CYP4F2: variants seen among roughly 807,000 people sequenced by gnomAD.
The protein encoded by CYP4F2 is cytochrome P450 family 4 subfamily F member 2.
A neutral mutation model predicts 58.9 loss-of-function variants in CYP4F2; 58 were observed. That is an observed-to-expected ratio of 0.98 (90% CI 0.80 to 1.23). The LOEUF (loss-of-function observed/expected upper bound fraction) is 1.23, where lower values mean the gene tolerates loss of function less well. CYP4F2 is among the 50% of genes most tolerant of loss of function. The pLI is 0.00. For synonymous variants in CYP4F2, 287 were observed against 261.1 expected, an observed-to-expected ratio of 1.10 and a Z score of -0.95; for missense variants, 616 against 685.6, an observed-to-expected ratio of 0.90 and a Z score of 1.13.
intron 3 of CYP4F2, 122 bp downstream of exon 3, chr19:15,895,384 T>A: frequency 1.6e-6 from 2 of 1,255,470 alleles, no homozygotes; most frequent in African/African-American, 1.6e-5. Flanking sequence ...GAAAGAAAGA[T>A]GAAGATAGCT....
intron 9 of CYP4F2, 146 bp from the exon 10 acceptor site, chr19:15,880,043 A>G (rs1394050512): frequency 5.8e-6 from 9 of 1,539,634 alleles, no homozygotes; most frequent in African/African-American, 1.4e-5. Flanking sequence ...GAATAAAAAT[A>G]GTGTGGCACT....
chr19:15,888,540 A>C (rs1226210465), intron 7 of CYP4F2, among the ~76,000 whole-genome samples: 1 of 152,216 alleles, frequency 6.6e-6, no homozygotes, highest in East Asian at 1.9e-4. Context: ...GCACATAGAC[A>C]AAGTCACAGA....
At position 15,881,557 on chromosome 19, in the gene CYP4F2, TA is replaced by T. The variant is rs1432299357; in HGVS notation, c.1116-1661del. ...GTAGATAGGTATATAGATACATAGA[TA>T]GATGATGGATAGATAGATAGATAGA... is the stretch of plus-strand genomic sequence containing the variant. On this transcript the variant is annotated intron_variant, in intron 9 of 12. Coordinates refer to ENST00000221700, the MANE Select transcript of CYP4F2 (RefSeq NM_001082.5). Among the ~76,000 whole-genome samples the T allele has an allele frequency of 2.1e-3, 312 of 145,338 alleles. 1 individual carries two copies. The highest frequency in any genetic ancestry group is 7.2e-3 in the African/African-American group (280 of 38,672).
In CYP4F2 at chr19:15,889,684, A is replaced by G. The variant is rs1240953394; in HGVS notation, c.657T>C (p.Ser219=). ...SFDSHCQEKP[S]EYIAAILELS... ...GCTCCAAGATGGCGGCAATATATTCACTGGGTTTCCTGCAGGATAAGGGCA... is the reference window on the plus strand; with the variant it reads ...GCTCCAAGATGGCGGCAATATATTCGCTGGGTTTCCTGCAGGATAAGGGCA... The change falls in exon 7 of 13, where the codon AGT becomes AGC. Residue 219 remains serine (S), a synonymous_variant. Transcript: ENST00000221700. 9.9e-6 allele frequency: 16 copies of G among 1,613,512 alleles called. No individual in the cohort carries two copies. Among genetic ancestry groups the G allele is most frequent in the African/African-American group, 1.3e-5 (1 of 74,888 alleles).
intron 7 of CYP4F2, among the ~76,000 whole-genome samples, chr19:15,888,869 A>G (rs770884526): frequency 2.0e-5 from 3 of 152,378 alleles, no homozygotes; most frequent in East Asian, 1.9e-4. Context: ...ACACAAACAC[A>G]GAAAAAAGAC....
intron 12 of CYP4F2, 34 bp downstream of exon 12, chr19:15,879,312 A>C (rs1180339477): frequency 1.9e-6 from 3 of 1,611,106 alleles, no homozygotes; most frequent in African/African-American, 1.3e-5. Flanking sequence ...GCACCCATCA[A>C]CCCGTTCCCA....
intron 3 of CYP4F2, 42 bp downstream of exon 3, chr19:15,895,464 A>G (rs2089441885): frequency 6.8e-7 from 1 of 1,463,338 alleles, no homozygotes; most frequent in Non-Finnish European, 9.0e-7. Flanking sequence ...GCGGAAGTGC[A>G]GGCCTCAAAT....
At chr19:15,886,356 T>C (rs1167065586) in intron 7 of CYP4F2, 48 bp from the exon 8 acceptor site, 3 of 1,355,720 alleles carry the variant, frequency 2.2e-6, no homozygotes, top group Non-Finnish European at 1.9e-6. Context: ...CCATAAAAAG[T>C]CACACTAGCT....
intron 3 of CYP4F2, among the ~76,000 whole-genome samples, chr19:15,894,487 G>C (rs899290725): frequency 6.6e-6 from 1 of 152,166 alleles, no homozygotes; most frequent in African/African-American, 2.4e-5. Flanking sequence ...TAGGAAAAGC[G>C]ACATGGAGAA....
At chr19:15,890,512 G>A (rs889340207) in intron 5 of CYP4F2, 79 bp from the exon 6 acceptor site, 14 of 1,579,712 alleles carry the variant, frequency 8.9e-6, no homozygotes, top group South Asian at 1.2e-5. Context: ...GCCAAGATGG[G>A]CTCCCCAGAA....
intron 9 of CYP4F2, 98 bp downstream of exon 9, chr19:15,885,826 T>A: frequency 6.6e-7 from 1 of 1,516,548 alleles, no homozygotes; most frequent in Non-Finnish European, 8.9e-7. Context: ...TAGGCAATAG[T>A]GGCAGAATCA....
intron 9 of CYP4F2, among the ~76,000 whole-genome samples, chr19:15,881,565 GGATA>G (rs59240008): frequency 0.022 from 3,270 of 149,938 alleles, 47 homozygotes; most frequent in Middle Eastern, 0.034. Flanking sequence ...GATAGATGAT[GGATA>G]GATAGATAGA....
intron 7 of CYP4F2, chr19:15,886,561 A>G (rs1232784092): frequency 7.0e-6 from 3 of 428,406 alleles, no homozygotes; most frequent in Non-Finnish European, 1.2e-5. Context: ...GAATATTTTA[A>G]TGAAAAGTTT....
chr19:15,886,202 G>T (rs778919238), intron 8 of CYP4F2, 40 bp downstream of exon 8: 1 of 1,613,430 alleles, frequency 6.2e-7, no homozygotes, highest in Non-Finnish European at 8.5e-7. Context: ...GGAAGGGAGA[G>T]ATCCCGGTCC....
rs2089328206 is a variant in CYP4F2, at chr19:15,879,358, G to A, written c.1385C>T (p.Ser462Leu). The change falls in exon 12 of 13, where the codon TCG becomes TTG. Residue 462 changes from serine to leucine, a missense_variant. Physicochemically the swap from Ser to Leu is moderately radical, Grantham distance 145. Coordinates refer to ENST00000221700, the MANE Select transcript of CYP4F2 (RefSeq NM_001082.5). ...ERSPLAFIPFSAGPRNCIGQT... is the reference protein window; with the variant it reads ...ERSPLAFIPFLAGPRNCIGQT... Reference sequence around the variant, plus strand: ...AGGCCGCCCTTACCTGGGCCCTGCCGAGAAGGGAATAAAAGCCAGAGGTGA... The same window carrying A: ...AGGCCGCCCTTACCTGGGCCCTGCCAAGAAGGGAATAAAAGCCAGAGGTGA... 1 of 1,614,074 alleles carries A rather than the reference G, an allele frequency of 6.2e-7. No individual in the cohort carries two copies. Among genetic ancestry groups the A allele is most frequent in the Non-Finnish European group, 8.5e-7 (1 of 1,179,998 alleles).
intron 9 of CYP4F2, among the ~76,000 whole-genome samples, chr19:15,880,622 TC>T (rs1409540943): frequency 6.0e-4 from 83 of 138,072 alleles, no homozygotes; most frequent in South Asian, 1.3e-3. Flanking sequence ...AGACTGCATC[TC>T]AAAAAAAAAA....
chr19:15,893,887 G>A (rs2089432251), intron 3 of CYP4F2: 1 of 265,470 alleles, frequency 3.8e-6, no homozygotes, highest in South Asian at 7.5e-5. Flanking sequence ...TGAATCTGGA[G>A]AAAAACACAC....
rs145709475 is a variant in CYP4F2, at chr19:15,883,687, T to A, written c.1115+2237A>T. On this transcript the variant is annotated intron_variant, in intron 9 of 12. Coordinates refer to ENST00000221700, the MANE Select transcript of CYP4F2 (RefSeq NM_001082.5). Reference sequence around the variant, plus strand: ...AATAAAACTGTTGAAGAGATATCTATACTTCCGTATTTATTGCAGCACTAT... The same window carrying A: ...AATAAAACTGTTGAAGAGATATCTAAACTTCCGTATTTATTGCAGCACTAT... Among the ~76,000 whole-genome samples, 199 of 152,350 alleles carry A rather than the reference T, an allele frequency of 1.3e-3. 1 individual carries two copies. The highest frequency in any genetic ancestry group is 4.7e-3 in the African/African-American group (194 of 41,576).
chr19:15,883,842 T>C (rs986435665), intron 9 of CYP4F2, among the ~76,000 whole-genome samples: 9 of 152,082 alleles, frequency 5.9e-5, no homozygotes, highest in Non-Finnish European at 1.2e-4. Flanking sequence ...AGGCAGATCA[T>C]GAGGTCAGGA....
Sources: allele counts gnomAD v4.1 joint callset (sites outside exome capture counted in the v4.1 genomes callset), GRCh38; gene constraint gnomAD v4.1.1; transcripts MANE v1.5; gene names NCBI Gene and HGNC (gene_info 2026-07-23, HGNC 2026-07-21).